The following CACNA1E variants were observed in gnomAD, a reference collection of about 807,000 sequenced individuals.
The protein encoded by CACNA1E is voltage-dependent R-type calcium channel subunit alpha-1E.
In CACNA1E, 40 loss-of-function variants were observed where a neutral mutation model predicts 259.2. The observed-to-expected ratio is 0.15, with a 90% CI of 0.12 to 0.20. The LOEUF (loss-of-function observed/expected upper bound fraction) is 0.20, where lower values mean the gene tolerates loss of function less well. Among genes scored for constraint, CACNA1E ranks in the 10% least tolerant of loss-of-function variants. The pLI, the probability that CACNA1E is intolerant of heterozygous loss-of-function variation, is 1.00. For missense variants in CACNA1E, 1,874 were observed against 3,040.1 expected, an observed-to-expected ratio of 0.62 and a Z score of 9.02; for synonymous variants, 1,104 against 1,138.5, an observed-to-expected ratio of 0.97 and a Z score of 0.61.
chr1:181,529,676 T>A (rs1667628137), intron 3 of CACNA1E, among the ~76,000 whole-genome samples: 1 of 152,222 alleles, frequency 6.6e-6, no homozygotes, highest in Non-Finnish European at 1.5e-5. Flanking sequence ...AAGGAGATCA[T>A]TTTGGAGCTT....
chr1:181,439,673 A>C (rs1660325393), intron 2 of CACNA1E, among the ~76,000 whole-genome samples: 1 of 152,190 alleles, frequency 6.6e-6, no homozygotes, highest in Non-Finnish European at 1.5e-5. Flanking sequence ...GGCTCATCTA[A>C]GGCATTTCCC....
chr1:181,402,003 G>C (rs1657136406), intron 1 of CACNA1E, among the ~76,000 whole-genome samples: 1 of 152,212 alleles, frequency 6.6e-6, no homozygotes, highest in African/African-American at 2.4e-5. Context: ...AGAAATGTAG[G>C]ATGGCCACTT....
At position 181,507,164 on chromosome 1, in the gene CACNA1E, C is replaced by T. The variant is rs150945206; in HGVS notation, c.267-3313C>T. On this transcript the variant is annotated intron_variant, in intron 1 of 47. Transcript: ENST00000367573. The stretch of plus-strand genomic sequence containing the variant: ...AGTGAGAATAGGGTCTTCTTAGAAC[C>T]TGTGAATTACCAAACTCCCACCTTT... 2.6e-3 allele frequency among the ~76,000 whole-genome samples: 389 copies of T among 152,238 alleles called. 2 individuals are homozygous for T. Among genetic ancestry groups the T allele is most frequent in the African/African-American group, 9.0e-3 (372 of 41,492 alleles).
intron 6 of CACNA1E, among the ~76,000 whole-genome samples, chr1:181,598,849 A>G (rs936033538): frequency 6.6e-6 from 1 of 150,726 alleles, no homozygotes; most frequent in African/African-American, 2.4e-5. Context: ...TGCCTCCTCC[A>G]TTGACTGTGT....
chr1:181,726,017 T>C, intron 17 of CACNA1E, 48 bp from the exon 18 acceptor site: 1 of 1,361,018 alleles, frequency 7.3e-7, no homozygotes, highest in Non-Finnish European at 1.0e-6. Context: ...GGGAAGCTAC[T>C]CTCCTTCCTG....
intron 1 of CACNA1E, among the ~76,000 whole-genome samples, chr1:181,379,044 T>C (rs1655289406): frequency 6.6e-6 from 1 of 152,086 alleles, no homozygotes; most frequent in African/African-American, 2.4e-5. Flanking sequence ...TTGAGGTAAA[T>C]GTAAGAATTA....
intron 34 of CACNA1E, among the ~76,000 whole-genome samples, chr1:181,765,206 G>A (rs1658918408): frequency 6.6e-6 from 1 of 152,068 alleles, no homozygotes; most frequent in South Asian, 2.1e-4. Context: ...CTACTCTAGA[G>A]TTCTTCCCTC....
intron 4 of CACNA1E, 118 bp downstream of exon 4, chr1:181,577,987 A>G: frequency 4.9e-6 from 3 of 613,842 alleles, no homozygotes; most frequent in Non-Finnish European, 8.7e-6. Flanking sequence ...AGGAAGCCTC[A>G]GTGGTAATAA....
rs180801978 is a variant in CACNA1E at position 181,349,110 on chromosome 1, G to A, written c.-15+30987G>A. 3.9e-5 allele frequency among the ~76,000 whole-genome samples: 6 copies of A among 152,324 alleles called. No homozygotes were observed. In the East Asian group the frequency reaches 1.2e-3, roughly 29 times the overall value. On this transcript the variant is annotated intron_variant, in intron 1 of 11. Transcript: ENST00000524607. The stretch of plus-strand genomic sequence containing the variant: ...TGGGGACCCACGGGAAGAGCAGGGA[G>A]GGGGCGGGCTTGGGTGGGCTGCTGT...
chr1:181,761,372 C>T (rs1228384205), intron 32 of CACNA1E, among the ~76,000 whole-genome samples: 2 of 152,166 alleles, frequency 1.3e-5, no homozygotes, highest in Non-Finnish European at 2.9e-5. Flanking sequence ...ATTTTTCAAT[C>T]CCTGCCTCTA....
chr1:181,330,164 A>G (rs1651140224), intron 1 of CACNA1E, among the ~76,000 whole-genome samples: 1 of 152,112 alleles, frequency 6.6e-6, no homozygotes, highest in Admixed American at 6.5e-5. Context: ...TCTCAAAGGA[A>G]TTGGGCTGAT....
intron 6 of CACNA1E, among the ~76,000 whole-genome samples, chr1:181,629,950 A>G (rs1333990542): frequency 6.6e-6 from 1 of 152,180 alleles, no homozygotes; most frequent in Non-Finnish European, 1.5e-5. Context: ...TCCTGGAGGC[A>G]CATTCACAGT....
chr1:181,714,958 C>T (rs1218073783), intron 8 of CACNA1E, among the ~76,000 whole-genome samples: 1 of 152,210 alleles, frequency 6.6e-6, no homozygotes, highest in East Asian at 1.9e-4. Flanking sequence ...GCTAAGGAAG[C>T]TGTTGCTGCT....
At chr1:181,506,192 T>C (rs1208192219) in intron 1 of CACNA1E, among the ~76,000 whole-genome samples, 1 of 152,210 alleles carries the variant, frequency 6.6e-6, no homozygotes, top group Non-Finnish European at 1.5e-5. Context: ...GACTCGGAGC[T>C]CCCTTTGACC....
Position 181,762,579 on chromosome 1 carries a change from T to C in CACNA1E, c.4611T>C (p.Tyr1537=), listed in dbSNP as rs774954504. The change falls in exon 33 of 48, where the codon TAT becomes TAC. Residue 1537 remains tyrosine (Y), a synonymous_variant. Coordinates refer to ENST00000367573, the MANE Select transcript of CACNA1E (RefSeq NM_001205293.3). ...TGACTGAATTCATTTGGCAGAACTA[T>C]TTCCGAGACACCTGGAATATCTTTG... ...LKVIAFGFLN[Y]FRDTWNIFDF... is the part of the protein sequence containing the mutation. 2.5e-6 allele frequency: 4 copies of C among 1,601,828 alleles called. No homozygotes were observed. The highest frequency in any genetic ancestry group is 3.4e-6 in the Non-Finnish European group (4 of 1,169,534).
intron 2 of CACNA1E, among the ~76,000 whole-genome samples, chr1:181,471,187 T>C (rs1662481850): frequency 6.6e-6 from 1 of 152,222 alleles, no homozygotes; most frequent in African/African-American, 2.4e-5. Context: ...AGATTAGCCC[T>C]GATGGCTTAA....
chr1:181,426,905 C>T (rs945552538), intron 2 of CACNA1E, among the ~76,000 whole-genome samples: 1 of 148,144 alleles, frequency 6.8e-6, no homozygotes, highest in Non-Finnish European at 1.5e-5. Flanking sequence ...AACTCAACCC[C>T]TTCCCATCTC....
At chr1:181,615,337 C>T (rs533677702) in intron 6 of CACNA1E, among the ~76,000 whole-genome samples, 1 of 152,068 alleles carries the variant, frequency 6.6e-6, no homozygotes, top group Non-Finnish European at 1.5e-5. Context: ...TTACAGGCAC[C>T]TGCCACCACG....
chr1:181,576,669 T>C (rs1366804689), intron 3 of CACNA1E, among the ~76,000 whole-genome samples: 1 of 152,230 alleles, frequency 6.6e-6, no homozygotes, highest in Non-Finnish European at 1.5e-5. Flanking sequence ...TTCCTGATGG[T>C]TCTGAGTAGC....
Sources: gnomAD v4.1 joint callset for allele counts (sites outside exome capture counted in the v4.1 genomes callset) on GRCh38, gnomAD v4.1.1 for gene constraint, MANE v1.5 for transcripts, NCBI Gene and HGNC (gene_info 2026-07-23, HGNC 2026-07-21) for gene names.